CASKIN1: variants seen among roughly 807,000 people sequenced by gnomAD.
The protein encoded by CASKIN1 is CASK interacting protein 1, also known as caskin-1.
Under a neutral mutation model 117.5 loss-of-function variants are expected in CASKIN1, and 42 were observed. The ratio of observed to expected loss-of-function variants is 0.36; its 90% CI spans 0.28 to 0.46. The LOEUF (loss-of-function observed/expected upper bound fraction) is 0.46. CASKIN1 is among the 20% of genes least tolerant of loss of function. The probability of loss-of-function intolerance (pLI) is 1.00; values close to 1 mark genes in which losing one functional copy is unlikely to be tolerated. For synonymous variants in CASKIN1, 1,148 were observed against 961.7 expected (o/e 1.19, Z -3.59); for missense variants, 2,083 against 2,077.3 (o/e 1.00, Z -0.05).
rs1238649236 is a variant in CASKIN1 at position 2,185,178 on chromosome 16, ATGC to A, written c.1169_1171del (p.Ser390del). 11 of 1,610,558 alleles carry A rather than the reference ATGC, an allele frequency of 6.8e-6. No homozygotes were observed. The highest frequency in any genetic ancestry group is 1.3e-5 in the African/African-American group (1 of 74,914). On this transcript the variant is annotated inframe_deletion, in exon 12 of 20. Coordinates refer to ENST00000343516, the MANE Select transcript of CASKIN1 (RefSeq NM_020764.4). ...GCCCCGGCCGCCAGCCATGCCGCTA[ATGC>A]TGCCGCTTCGGTCCCCACCTGCCAG... is the stretch of plus-strand genomic sequence containing the variant.
In CASKIN1 at chr16:2,187,218, C is replaced by T. The variant is rs772716200; in HGVS notation, c.783G>A (p.Val261=). The T allele has an allele frequency of 4.3e-6, 7 of 1,613,928 alleles. No homozygotes were observed. In the African/African-American group the frequency reaches 8.0e-5, roughly 18 times the overall value. Reference sequence around the variant, plus strand: ...TGGCCTGGGACGTGGTGAACTGGTGCACGATGTCCAGGGCTGTCTGGCTGT... The same window carrying T: ...TGGCCTGGGACGTGGTGAACTGGTGTACGATGTCCAGGGCTGTCTGGCTGT... ...NTYSQTALDI[V]HQFTTSQASR... The change falls in exon 8 of 20, where the codon GTG becomes GTA. Residue 261 remains valine (V), a synonymous_variant. Transcript: ENST00000343516.
Position 2,186,719 on chromosome 16 carries a change from C to A in CASKIN1, c.1036G>T (p.Val346Phe). 6.2e-7 allele frequency: 1 copy of A among 1,612,734 alleles called. No individual in the cohort carries two copies. Among genetic ancestry groups the A allele is most frequent in the Non-Finnish European group, 8.5e-7 (1 of 1,179,822 alleles). The change falls in exon 10 of 20, where the codon GTC becomes TTC. Residue 346 changes from valine (V) to phenylalanine (F), a missense_variant. By Grantham distance (50) the Val-to-Phe change is conservative (BLOSUM62 -1). This residue lies in a region of CASKIN1 where 1,818 missense variants were observed against 1,688.9 expected (regional missense o/e 1.08). Coordinates refer to ENST00000343516, the MANE Select transcript of CASKIN1 (RefSeq NM_020764.4). ...YFPSSLGEAI[V>F]KRAGSRAGTE... ...GGGTGGAACTTGCCTGCTCGCTTGA[C>A]AATGGCCTCGCCCAGGGAGGACGGG...
chr16:2,179,988 C>T lies in CASKIN1; in HGVS notation c.3380G>A (p.Arg1127His), dbSNP rs2093161473. The change falls in exon 18 of 20, where the codon CGC becomes CAC. Residue 1127 changes from arginine to histidine, a missense_variant. Around this residue, in one of 3 missense-constraint regions of CASKIN1, gnomAD observed 1,818 missense variants for 1,688.9 expected, o/e 1.08. Transcript: ENST00000343516. The surrounding 1 kb of genome is among the most constrained non-coding windows in gnomAD (Gnocchi z 5.8). ...CTGCTGGTTCTGCTTGGCCCGGATG[C>T]GCCTCTTGAGTGTGGCGCTGGCTTC... is the stretch of plus-strand genomic sequence containing the variant. ...KVEASATLKR[R>H]IRAKQNQQEN... is the part of the protein sequence containing the mutation. 6 of 1,604,402 alleles carry T rather than the reference C, an allele frequency of 3.7e-6. No individual in the cohort carries two copies. The highest frequency in any genetic ancestry group is 1.7e-5 in the Admixed American group (1 of 59,110).
chr16:2,179,495 C>T lies in CASKIN1; in HGVS notation c.3775+98G>A. On this transcript the variant is annotated intron_variant, in intron 18 of 19. Coordinates refer to ENST00000343516, the MANE Select transcript of CASKIN1 (RefSeq NM_020764.4). This position sits in a 1 kb window ranked among gnomAD's most constrained non-coding sequence, Gnocchi z 5.8. ...GGGACACGTTCCCACCCCACCTGGGCTTCCATCAAACCCAAGAAAAGGAAA... is the reference window on the plus strand; with the variant it reads ...GGGACACGTTCCCACCCCACCTGGGTTTCCATCAAACCCAAGAAAAGGAAA... 1.9e-5 allele frequency: 27 copies of T among 1,388,764 alleles called. No homozygotes were observed. Among genetic ancestry groups the T allele is most frequent in the Non-Finnish European group, 2.5e-5 (27 of 1,070,018 alleles). The allele number at this position is 1,388,764 out of a possible 1,614,324, so 86.0% of individuals were successfully genotyped here. A position where few individuals can be genotyped will look rare whatever the true frequency, so the allele number is the denominator to read the frequency against.
chr16:2,184,458 C>G (rs1272991252), intron 14 of CASKIN1, among the ~76,000 whole-genome samples: 2 of 152,196 alleles, frequency 1.3e-5, no homozygotes, highest in Admixed American at 6.5e-5. Flanking sequence ...CATGCACACG[C>G]TGCACCATCT....
rs997983535 is a variant in CASKIN1, at chr16:2,189,555, G to A, written c.254C>T (p.Pro85Leu). The A allele has an allele frequency of 6.2e-7, 1 of 1,605,124 alleles. No individual in the cohort carries two copies. The highest frequency in any genetic ancestry group is 8.5e-7 in the Non-Finnish European group (1 of 1,176,744). ...GCCCTGCCAGGCCGCATAGTGCAGC[G>A]GCCGCATGCCTGGGGGGCGAGGGGA... ...VDIKDNKGMR[P>L]LHYAAWQGRK... is the part of the protein sequence containing the mutation. Residue 85 changes from proline to leucine, a missense_variant, in exon 4 of 20, where the codon CCG becomes CTG. By Grantham distance (98) the Pro-to-Leu change is moderately conservative. Around this residue, in one of 3 missense-constraint regions of CASKIN1, gnomAD observed 203 missense variants for 338.7 expected, o/e 0.60. Coordinates refer to ENST00000343516, the MANE Select transcript of CASKIN1 (RefSeq NM_020764.4).
intron 1 of CASKIN1, among the ~76,000 whole-genome samples, chr16:2,192,572 C>G (rs570620068): frequency 6.6e-6 from 1 of 152,184 alleles, no homozygotes; most frequent in Non-Finnish European, 1.5e-5. Flanking sequence ...TCCACATGCC[C>G]TGTGTGCACG....
chr16:2,187,508 C>A, intron 6 of CASKIN1, 47 bp from the exon 7 acceptor site: 1 of 1,506,316 alleles, frequency 6.6e-7, no homozygotes, highest in Non-Finnish European at 9.1e-7. Context: ...AGCAGGAGGC[C>A]GGCCCCAGCA....
At position 2,180,488 on chromosome 16, in the gene CASKIN1, G is replaced by A; in HGVS notation, c.2880C>T (p.Ala960=). The change falls in exon 18 of 20, where the codon GCC becomes GCT. Residue 960 remains alanine, a synonymous_variant. Transcript: ENST00000343516. The part of the protein sequence containing the change: ...PKRSSSALAS[A]NLADEPVPDA... Reference sequence around the variant, plus strand: ...CAGGCACCGGCTCATCCGCCAGGTTGGCACTAGCCAGGGCCGAGCTGGAGC... The same window carrying A: ...CAGGCACCGGCTCATCCGCCAGGTTAGCACTAGCCAGGGCCGAGCTGGAGC... The A allele has an allele frequency of 6.4e-7, 1 of 1,550,864 alleles. No individual in the cohort carries two copies. The highest frequency in any genetic ancestry group is 8.7e-7 in the Non-Finnish European group (1 of 1,154,546).
rs2093164969 is a variant in CASKIN1 at position 2,180,781 on chromosome 16, G to A, written c.2587C>T (p.Leu863=). ...GCGTCGGCCTCAGGGGGCAGGCACA[G>A]TGTGGGCACAGCCGTCGGCACGGGT... ...PPPVPTAVPT[L]CLPPEADAEP... The change falls in exon 18 of 20, where the codon CTG becomes TTG. Residue 863 remains leucine, a synonymous_variant. Coordinates refer to ENST00000343516, the MANE Select transcript of CASKIN1 (RefSeq NM_020764.4). 13 of 1,419,792 alleles carry A rather than the reference G, an allele frequency of 9.2e-6. No individual in the cohort carries two copies. The highest frequency in any genetic ancestry group is 2.7e-5 in the East Asian group (1 of 36,562). The allele number at this position is 1,419,792 out of a possible 1,614,324, so 87.9% of individuals were successfully genotyped here.
intron 3 of CASKIN1, 69 bp from the exon 4 acceptor site, chr16:2,189,633 C>T: frequency 6.7e-7 from 1 of 1,498,904 alleles, no homozygotes; most frequent in Non-Finnish European, 8.9e-7. Context: ...TAGGGGGGTG[C>T]TGGGACCTGA....
chr16:2,186,894 A>T, intron 9 of CASKIN1, 70 bp from the exon 10 acceptor site: 1 of 1,601,994 alleles, frequency 6.2e-7, no homozygotes, highest in Non-Finnish European at 8.5e-7. Context: ...AGTGCCCCCC[A>T]GTTGCGGCGG....
chr16:2,178,701 A>G (rs1018068088), intron 19 of CASKIN1, 55 bp from the exon 20 acceptor site: 31 of 1,478,486 alleles, frequency 2.1e-5, no homozygotes, highest in South Asian at 7.3e-5. Context: ...GGCCACGCCC[A>G]CCCCGACCAG....
In CASKIN1 at chr16:2,186,691, G is replaced by A. The variant is rs765190608; in HGVS notation, c.1048+16C>T. 6.2e-7 allele frequency: 1 copy of A among 1,606,282 alleles called. No homozygotes were observed. The highest frequency in any genetic ancestry group is 8.5e-7 in the Non-Finnish European group (1 of 1,174,620). ...CAGGGGCTCCTGCCTGCCCCCCAGG[G>A]TGGGGTGGAACTTGCCTGCTCGCTT... is the stretch of plus-strand genomic sequence containing the variant. On this transcript the variant is annotated intron_variant, in intron 10 of 19. Coordinates refer to ENST00000343516, the MANE Select transcript of CASKIN1 (RefSeq NM_020764.4).
rs1222103076 is a variant in CASKIN1, at chr16:2,178,510, G to T, written c.*40C>A. 1 of 1,495,534 alleles carries T rather than the reference G, an allele frequency of 6.7e-7. No individual in the cohort carries two copies. The allele number at this position is 1,495,534 out of a possible 1,614,324, so 92.6% of individuals were successfully genotyped here. On this transcript the variant is annotated 3_prime_UTR_variant, in exon 20 of 20. Coordinates refer to ENST00000343516, the MANE Select transcript of CASKIN1 (RefSeq NM_020764.4). ...CCTGAGGTATAGGTCAGTGTGCGGG[G>T]AGGGCCCGGGCGGCGCGGGAGGGCC...
Position 2,185,087 on chromosome 16 carries a change from G to T in CASKIN1, c.1239+24C>A, listed in dbSNP as rs541957264. 1.9e-5 allele frequency: 30 copies of T among 1,608,908 alleles called. No individual in the cohort carries two copies. The African/African-American group carries it at 3.7e-4, about 20-fold the overall frequency. On this transcript the variant is annotated intron_variant, in intron 12 of 19. Transcript: ENST00000343516. Reference sequence around the variant, plus strand: ...ACCTGCTCCCAGCCCTGGCCACCCTGGCCCTGGCCACTACCCCACCTACCT... The same window carrying T: ...ACCTGCTCCCAGCCCTGGCCACCCTTGCCCTGGCCACTACCCCACCTACCT...
At chr16:2,183,105 C>T (rs1314263906) in intron 16 of CASKIN1, among the ~76,000 whole-genome samples, 3 of 152,248 alleles carry the variant, frequency 2.0e-5, no homozygotes, top group Non-Finnish European at 2.9e-5. Context: ...GTGTTAATGA[C>T]GATTGGCCAT....
intron 1 of CASKIN1, among the ~76,000 whole-genome samples, chr16:2,191,142 T>G (rs1010968083): frequency 6.6e-6 from 1 of 152,188 alleles, no homozygotes; most frequent in Non-Finnish European, 1.5e-5. Flanking sequence ...CCCGCCTATC[T>G]GGGCCGTGGT....
rs1042786629 is a variant in CASKIN1 at position 2,196,558 on chromosome 16, G to C, written c.-126C>G. On this transcript the variant is annotated 5_prime_UTR_variant, in exon 1 of 20. Coordinates refer to ENST00000343516, the MANE Select transcript of CASKIN1 (RefSeq NM_020764.4). This position sits in a 1 kb window ranked among gnomAD's most constrained non-coding sequence, Gnocchi z 5.7. ...CCCCGCCGCCTCCTCGCCGCCCGCCGCCCCTTCGCCCTCCTCGGGCTCCGG... is the reference window on the plus strand; with the variant it reads ...CCCCGCCGCCTCCTCGCCGCCCGCCCCCCCTTCGCCCTCCTCGGGCTCCGG... 1.0e-5 allele frequency: 2 copies of C among 199,268 alleles called. No homozygotes were observed. Among genetic ancestry groups the C allele is most frequent in the Non-Finnish European group, 1.8e-5 (2 of 113,888 alleles). The allele number at this position is 199,268 out of a possible 1,614,324, so 12.3% of individuals were successfully genotyped here. A position where few individuals can be genotyped will look rare whatever the true frequency, so the allele number is the denominator to read the frequency against.
Sources: gnomAD v4.1 joint callset for allele counts (sites outside exome capture counted in the v4.1 genomes callset) on GRCh38, gnomAD v4.1.1 for gene constraint, gnomAD v4.1.1 regional missense constraint, Gnocchi (gnomAD v3.1) non-coding constraint, MANE v1.5 for transcripts, NCBI Gene and HGNC (gene_info 2026-07-23, HGNC 2026-07-21) for gene names.